SHISAL1: variants seen among roughly 807,000 people sequenced by gnomAD.
SHISAL1 encodes the protein protein shisa-like-1.
Under a neutral mutation model 22.6 loss-of-function variants are expected in SHISAL1, and 9 were observed. The observed-to-expected ratio is 0.40, with a 90% CI of 0.24 to 0.70. SHISAL1 has a LOEUF of 0.70. Ranked by LOEUF, SHISAL1 falls within the 30% of genes least tolerant of loss-of-function variation. The probability of loss-of-function intolerance (pLI) is 0.39; values close to 1 mark genes in which losing one functional copy is unlikely to be tolerated. For synonymous variants in SHISAL1, 119 were observed against 115.4 expected (o/e 1.03, Z -0.20); for missense variants, 246 against 270.6 (o/e 0.91, Z 0.64).
chr22:44,259,476 A>G (rs1239829887), intron 4 of SHISAL1, among the ~76,000 whole-genome samples: 2 of 150,960 alleles, frequency 1.3e-5, no homozygotes, highest in African/African-American at 4.9e-5. Context: ...AAATTATTAA[A>G]AAAAAAAAAA....
chr22:44,254,548 G>T (rs1393564121), intron 4 of SHISAL1, among the ~76,000 whole-genome samples: 1 of 152,082 alleles, frequency 6.6e-6, no homozygotes, highest in Non-Finnish European at 1.5e-5. Flanking sequence ...TTTTTGCAGG[G>T]ATGGGGTCTT....
chr22:44,261,077 TTATA>T (rs56290835), intron 4 of SHISAL1, among the ~76,000 whole-genome samples: 2 of 108,740 alleles, frequency 1.8e-5, no homozygotes, highest in South Asian at 3.3e-4. Flanking sequence ...CTTCATTACT[TTATA>T]TATATATATA....
At chr22:44,304,663 G>A (rs895141121) in intron 1 of SHISAL1, among the ~76,000 whole-genome samples, 15 of 152,184 alleles carry the variant, frequency 9.9e-5, no homozygotes, top group South Asian at 2.1e-4. Flanking sequence ...AGGATAAGCC[G>A]AGGTCAAGCA....
rs1045835443 is a variant in SHISAL1, at chr22:44,310,884, GC to G, written c.-33+1866del. Among the ~76,000 whole-genome samples, 1 of 151,950 alleles carries G rather than the reference GC, an allele frequency of 6.6e-6. No homozygotes were observed. The highest frequency in any genetic ancestry group is 2.4e-5 in the African/African-American group (1 of 41,352). ...GTGGGAAATTTTGTGCCTCTGCATCGCCCCACCATGCTTTGCACACAGTAGG... is the reference window on the plus strand; with the variant it reads ...GTGGGAAATTTTGTGCCTCTGCATCGCCCACCATGCTTTGCACACAGTAGG... On this transcript the variant is annotated intron_variant, in intron 1 of 4. Transcript: ENST00000381176. This position sits in a 1 kb window ranked among gnomAD's most constrained non-coding sequence, Gnocchi z 4.0.
At chr22:44,319,667 C>T in the SHISAL1 span, among the ~76,000 whole-genome samples, 18 of 152,366 alleles carry the variant, frequency 1.2e-4, no homozygotes, top group East Asian at 2.9e-3. Flanking sequence ...CTGCTCCCTT[C>T]GGGGACAATT....
At chr22:44,271,902 C>T (rs1481650415) in intron 4 of SHISAL1, among the ~76,000 whole-genome samples, 1 of 152,246 alleles carries the variant, frequency 6.6e-6, no homozygotes, top group African/African-American at 2.4e-5. Context: ...CACGAGCCCC[C>T]AGATTCGCCT....
At chr22:44,282,537 C>T (rs1301424060) in intron 4 of SHISAL1, among the ~76,000 whole-genome samples, 1 of 152,204 alleles carries the variant, frequency 6.6e-6, no homozygotes, top group Admixed American at 6.5e-5. Flanking sequence ...CAGCTGTCTT[C>T]CTCCTGCTGC....
chr22:44,260,477 G>T (rs1336031564), intron 4 of SHISAL1, among the ~76,000 whole-genome samples: 2 of 152,238 alleles, frequency 1.3e-5, no homozygotes. Context: ...GGCTGGTAAA[G>T]GTTGGGACAG....
chr22:44,291,743 C>T (rs1269928903), intron 3 of SHISAL1, among the ~76,000 whole-genome samples: 1 of 152,142 alleles, frequency 6.6e-6, no homozygotes, highest in Non-Finnish European at 1.5e-5. Context: ...GATGCCACTC[C>T]CAGCCACCTC....
intron 4 of SHISAL1, among the ~76,000 whole-genome samples, chr22:44,263,334 G>A (rs5764676): frequency 0.13 from 19,778 of 151,960 alleles, 2,315 homozygotes; most frequent in East Asian, 0.31. Flanking sequence ...GCCTCCCAAA[G>A]TGCTGGGATT....
chr22:44,262,117 A>G (rs2055128977), intron 4 of SHISAL1, among the ~76,000 whole-genome samples: 1 of 152,202 alleles, frequency 6.6e-6, no homozygotes, highest in Non-Finnish European at 1.5e-5. Context: ...AGTGTCTGGC[A>G]GTCTTGGGGT....
At chr22:44,250,819 A>G (rs2055042458) in intron 4 of SHISAL1, among the ~76,000 whole-genome samples, 2 of 152,212 alleles carry the variant, frequency 1.3e-5, no homozygotes. Context: ...TACTTGCGTA[A>G]ATTGCATCTG....
chr22:44,270,333 C>T (rs6006715), intron 4 of SHISAL1, among the ~76,000 whole-genome samples: 7,370 of 152,240 alleles, frequency 0.048, 604 homozygotes, highest in African/African-American at 0.17. Context: ...AGTAAGTGTA[C>T]ACATTGATCA....
In SHISAL1 at chr22:44,248,053, G is replaced by A. The variant is rs1193689065; in HGVS notation, c.*1632C>T. 2.0e-5 allele frequency: 3 copies of A among 152,206 alleles called. No individual in the cohort carries two copies. Among genetic ancestry groups the A allele is most frequent in the East Asian group, 1.9e-4 (1 of 5,176 alleles). 9.4% of individuals were successfully genotyped at this position (152,206 alleles called of 1,614,324 possible). A position where few individuals can be genotyped will look rare whatever the true frequency, so the allele number is the denominator to read the frequency against. On this transcript the variant is annotated 3_prime_UTR_variant, in exon 5 of 5. Coordinates refer to ENST00000381176, the MANE Select transcript of SHISAL1 (RefSeq NM_001099294.2). ...TGGGCTTCAATCATCTGCTCAAGGCGGCCTTCCCAGACCACCCCAGGTCCA... is the reference window on the plus strand; with the variant it reads ...TGGGCTTCAATCATCTGCTCAAGGCAGCCTTCCCAGACCACCCCAGGTCCA...
intron 4 of SHISAL1, among the ~76,000 whole-genome samples, chr22:44,265,040 T>C (rs1877167299): frequency 6.6e-6 from 1 of 152,090 alleles, no homozygotes; most frequent in Non-Finnish European, 1.5e-5. Context: ...TGTTGACTTT[T>C]CCCTTCTGCT....
At chr22:44,297,603 AC>A (rs2055396359) in intron 2 of SHISAL1, among the ~76,000 whole-genome samples, 2 of 151,694 alleles carry the variant, frequency 1.3e-5, no homozygotes. Context: ...TTGGCCTGGA[AC>A]CCTCCCACCA....
intron 4 of SHISAL1, among the ~76,000 whole-genome samples, chr22:44,252,907 A>C (rs892914865): frequency 6.6e-6 from 1 of 152,036 alleles, no homozygotes; most frequent in South Asian, 2.1e-4. Flanking sequence ...AGGCAAGAGA[A>C]TCGCTCAAAC....
intron 4 of SHISAL1, among the ~76,000 whole-genome samples, chr22:44,259,708 AGAG>A (rs1056352575): frequency 1.3e-4 from 20 of 152,206 alleles, no homozygotes; most frequent in African/African-American, 4.8e-4. Context: ...GCGCCAGAAT[AGAG>A]GAGATGACCC....
At chr22:44,269,531 AC>A (rs1375904422) in intron 4 of SHISAL1, among the ~76,000 whole-genome samples, 4 of 26,488 alleles carry the variant, frequency 1.5e-4, no homozygotes, top group Non-Finnish European at 4.5e-4. Flanking sequence ...CACAATATAC[AC>A]ACACACCATG....
Sources: allele counts gnomAD v4.1 joint callset (sites outside exome capture counted in the v4.1 genomes callset), GRCh38; gene constraint gnomAD v4.1.1; non-coding constraint Gnocchi (gnomAD v3.1); transcripts MANE v1.5; gene names NCBI Gene and HGNC (gene_info 2026-07-23, HGNC 2026-07-21).